KSR1: variants seen among roughly 807,000 people sequenced by gnomAD.
KSR1 encodes the protein kinase suppressor of ras 1, also known as kinase suppressor of ras.
In KSR1, 35 loss-of-function variants were observed where a neutral mutation model predicts 92.9. That is an observed-to-expected ratio of 0.38 (90% CI 0.29 to 0.50). The LOEUF is 0.50. KSR1 is among the 20% of genes least tolerant of loss of function. The pLI is 0.94. For missense variants in KSR1, 972 were observed against 1,158.5 expected, an observed-to-expected ratio of 0.84 and a Z score of 2.34; for synonymous variants, 467 against 472.6, an observed-to-expected ratio of 0.99 and a Z score of 0.15.
chr17:27,617,394 C>T lies in KSR1; in HGVS notation c.2593C>T (p.Leu865Phe). Residue 865 changes from leucine (L) to phenylalanine (F), a missense_variant, in exon 19 of 21, where the codon CTC (leucine) becomes TTC (phenylalanine). Leu to Phe is a conservative substitution (Grantham distance 22, BLOSUM62 0). Around this residue, in one of 5 missense-constraint regions of KSR1, gnomAD observed 46 missense variants for 39.0 expected, o/e 1.18. Transcript: ENST00000644974. ...GAAACTTCCCAAGCTGAACCGGCGGCTCTCCCACCCTGGACACTTCTGGAA... is the reference window on the plus strand; with the variant it reads ...GAAACTTCCCAAGCTGAACCGGCGGTTCTCCCACCCTGGACACTTCTGGAA... ...LEKLPKLNRR[L>F]SHPGHFWKSA... 1 of 1,612,810 alleles carries T rather than the reference C, an allele frequency of 6.2e-7. No homozygotes were observed. Among genetic ancestry groups the T allele is most frequent in the Non-Finnish European group, 8.5e-7 (1 of 1,179,202 alleles).
At chr17:27,549,220 G>A (rs114571883) in intron 1 of KSR1, among the ~76,000 whole-genome samples, 3,122 of 152,314 alleles carry the variant, frequency 0.02, 102 homozygotes, top group African/African-American at 0.072. Flanking sequence ...AAGAGACTGT[G>A]AAGGTGGTAC....
chr17:27,596,299 G>A (rs917647309), intron 9 of KSR1, among the ~76,000 whole-genome samples: 29 of 152,198 alleles, frequency 1.9e-4, no homozygotes, highest in Non-Finnish European at 3.2e-4. Flanking sequence ...AGCTCAGGCC[G>A]AGGCCTTCTC....
chr17:27,583,111 T>G lies in KSR1; in HGVS notation c.980+6T>G. 6.6e-7 allele frequency: 1 copy of G among 1,523,282 alleles called. No individual in the cohort carries two copies. Among genetic ancestry groups the G allele is most frequent in the East Asian group, 2.3e-5 (1 of 43,362 alleles). 94.4% of individuals were successfully genotyped at this position (1,523,282 alleles called of 1,614,324 possible). On this transcript the variant is annotated splice_donor_region_variant and intron_variant, in intron 4 of 20. Transcript: ENST00000644974. ...GATGACGTCTCCTCGATGAGGTGAG[T>G]GCTCCTTCTGGGCAGCTACCAAAAG...
chr17:27,470,154 C>T (rs1299449472), intron 1 of KSR1, among the ~76,000 whole-genome samples: 3 of 151,170 alleles, frequency 2.0e-5, no homozygotes, highest in Admixed American at 6.6e-5. Flanking sequence ...CTTCCAGATT[C>T]AAGTGATCCT....
intron 1 of KSR1, among the ~76,000 whole-genome samples, chr17:27,524,551 C>G (rs1439889114): frequency 6.6e-6 from 1 of 152,182 alleles, no homozygotes; most frequent in Non-Finnish European, 1.5e-5. Context: ...TGAGGATAGG[C>G]AAATCCAGCA....
intron 2 of KSR1, among the ~76,000 whole-genome samples, chr17:27,569,791 C>T (rs1002131630): frequency 1.3e-5 from 2 of 152,220 alleles, no homozygotes; most frequent in Non-Finnish European, 2.9e-5. Context: ...GCCCACAAAG[C>T]TGAAGAGACT....
At chr17:27,536,734 C>G (rs2070764951) in intron 1 of KSR1, among the ~76,000 whole-genome samples, 1 of 152,222 alleles carries the variant, frequency 6.6e-6, no homozygotes. Context: ...TCTGGAGGGT[C>G]TAAGAAGGCC....
intron 1 of KSR1, among the ~76,000 whole-genome samples, chr17:27,531,580 G>A (rs183489393): frequency 6.6e-6 from 1 of 152,188 alleles, no homozygotes; most frequent in Admixed American, 6.5e-5. Context: ...CTCCTGTGGG[G>A]CTGCTGAGAT....
chr17:27,568,551 C>T (rs1007399444), intron 2 of KSR1, among the ~76,000 whole-genome samples: 5 of 152,130 alleles, frequency 3.3e-5, no homozygotes, highest in East Asian at 1.9e-4. Context: ...ATGGTGTGTC[C>T]GAGCAGGGGA....
chr17:27,459,978 A>AGATCAGCAG lies in KSR1; in HGVS notation c.231+3105_231+3113dup, dbSNP rs570408620. ...TTCTCAAACTCACACACGTTCCTGG[A>AGATCAGCAG]GATCAGCAGTTTTCATCATACACAT... On this transcript the variant is annotated intron_variant, in intron 1 of 20. Transcript: ENST00000644974. The surrounding 1 kb of genome is among the most constrained non-coding windows in gnomAD (Gnocchi z 4.6). Among the ~76,000 whole-genome samples, 33 of 152,288 alleles carry AGATCAGCAG rather than the reference A, an allele frequency of 2.2e-4. No individual in the cohort carries two copies. The East Asian group carries it at 6.2e-3, about 29-fold the overall frequency.
At chr17:27,617,226 AGCACCC>A in intron 18 of KSR1, 63 bp from the exon 19 acceptor site, 1 of 1,477,432 alleles carries the variant, frequency 6.8e-7, no homozygotes, top group Non-Finnish European at 9.1e-7. Context: ...CCCTTTGTGG[AGCACCC>A]CTACTGTGTG....
intron 8 of KSR1, 32 bp from the exon 9 acceptor site, chr17:27,592,488 C>G: frequency 6.2e-7 from 1 of 1,613,438 alleles, no homozygotes; most frequent in Non-Finnish European, 8.5e-7. Context: ...TGACCTGTTC[C>G]CTGGTGATGG....
chr17:27,574,183 G>A (rs1000197863), intron 2 of KSR1, among the ~76,000 whole-genome samples: 5 of 152,166 alleles, frequency 3.3e-5, no homozygotes, highest in Admixed American at 6.5e-5. Context: ...TTACCCTGAC[G>A]GTATCGCCAA....
intron 1 of KSR1, among the ~76,000 whole-genome samples, chr17:27,486,979 T>C: frequency 6.6e-6 from 1 of 152,166 alleles, no homozygotes; most frequent in Non-Finnish European, 1.5e-5. Context: ...TGAAACACAC[T>C]GGAGAATTGC....
At chr17:27,593,665 G>GCCT (rs543886405) in intron 9 of KSR1, among the ~76,000 whole-genome samples, 610 of 152,342 alleles carry the variant, frequency 4.0e-3, no homozygotes, top group Middle Eastern at 6.8e-3. Flanking sequence ...CCTCTCTCCT[G>GCCT]CCTCTCGTTT....
chr17:27,527,183 G>A (rs778168983), intron 1 of KSR1: 1 of 254,240 alleles, frequency 3.9e-6, no homozygotes, highest in South Asian at 5.3e-5. Context: ...TTCTAGTTCT[G>A]AGAAGTATTT....
At chr17:27,503,875 G>A (rs1032393995) in intron 1 of KSR1, among the ~76,000 whole-genome samples, 10 of 152,172 alleles carry the variant, frequency 6.6e-5, no homozygotes, top group African/African-American at 1.9e-4. Flanking sequence ...CGATGAACAC[G>A]TAGTATGAAT....
chr17:27,582,570 T>C lies in KSR1; in HGVS notation c.521-76T>C, dbSNP rs1382516035. 3 of 1,352,424 alleles carry C rather than the reference T, an allele frequency of 2.2e-6. No homozygotes were observed. The African/African-American group carries it at 4.3e-5, about 19-fold the overall frequency. The allele number at this position is 1,352,424 out of a possible 1,614,324, so 83.8% of individuals were successfully genotyped here. A position where few individuals can be genotyped will look rare whatever the true frequency, so the allele number is the denominator to read the frequency against. On this transcript the variant is annotated intron_variant, in intron 3 of 20. Transcript: ENST00000644974. ...GCAGCCTCACACCAGGTGTTGAACATCTCTGGCCCCTAGCCATCTCCCCTG... is the reference window on the plus strand; with the variant it reads ...GCAGCCTCACACCAGGTGTTGAACACCTCTGGCCCCTAGCCATCTCCCCTG...
At chr17:27,467,635 C>T (rs1253383696) in intron 1 of KSR1, among the ~76,000 whole-genome samples, 1 of 152,044 alleles carries the variant, frequency 6.6e-6, no homozygotes, top group African/African-American at 2.4e-5. Context: ...AAAAAACAAT[C>T]CTTGGTCCGT....
Sources: allele counts gnomAD v4.1 joint callset (sites outside exome capture counted in the v4.1 genomes callset), GRCh38; gene constraint gnomAD v4.1.1; regional missense constraint gnomAD v4.1.1; non-coding constraint Gnocchi (gnomAD v3.1); transcripts MANE v1.5; gene names NCBI Gene and HGNC (gene_info 2026-07-23, HGNC 2026-07-21).